Variants in IL7 observed in about 807,000 individuals in gnomAD.
IL7 encodes interleukin-7.
In IL7, 3 loss-of-function variants were observed where a neutral mutation model predicts 21.6. The observed-to-expected ratio is 0.14, with a 90% confidence interval of 0.06 to 0.36. IL7 has a LOEUF of 0.36. IL7 is among the 10% of genes least tolerant of loss of function. The pLI, the probability that IL7 is intolerant of heterozygous loss-of-function variation, is 1.00. For missense variants in IL7, 175 were observed against 200.2 expected, an observed-to-expected ratio of 0.87 and a Z score of 0.76; for synonymous variants, 62 against 68.1, an observed-to-expected ratio of 0.91 and a Z score of 0.44.
chr8:78,771,272 T>C (rs1812940479), intron 2 of IL7, among the ~76,000 whole-genome samples: 1 of 151,288 alleles, frequency 6.6e-6, no homozygotes, highest in Non-Finnish European at 1.5e-5. Flanking sequence ...CACTTCCAGC[T>C]CTGGCTTGAG....
chr8:78,678,777 T>C, intron 4 of IL7: 1 of 700,526 alleles, frequency 1.4e-6, no homozygotes, highest in Non-Finnish European at 2.3e-6. Flanking sequence ...TAAACACAAT[T>C]ATCTGCTACA....
chr8:78,774,978 T>C (rs1813084034), intron 2 of IL7, among the ~76,000 whole-genome samples: 1 of 152,100 alleles, frequency 6.6e-6, no homozygotes. Flanking sequence ...AACAAAAGAA[T>C]GTCTCATGAA....
intron 2 of IL7, among the ~76,000 whole-genome samples, chr8:78,763,329 A>C (rs771905987): frequency 9.9e-5 from 15 of 152,244 alleles, no homozygotes; most frequent in Non-Finnish European, 2.1e-4. Flanking sequence ...GTTTATTTAT[A>C]AGTGAAATGA....
chr8:78,710,595 G>A (rs1223302535), intron 3 of IL7, among the ~76,000 whole-genome samples: 1 of 151,888 alleles, frequency 6.6e-6, no homozygotes, highest in Non-Finnish European at 1.5e-5. Flanking sequence ...TTTTTTCTGA[G>A]AAAGAAAAAT....
chr8:78,698,258 T>C (rs1228536938), intron 3 of IL7, among the ~76,000 whole-genome samples: 1 of 152,260 alleles, frequency 6.6e-6, no homozygotes, highest in East Asian at 1.9e-4. Flanking sequence ...ATGCTATATG[T>C]CGTCCTCTGG....
downstream of IL7, chr8:78,715,154 A>C: frequency 1.5e-6 from 2 of 1,360,532 alleles, no homozygotes; most frequent in Non-Finnish European, 2.0e-6. Flanking sequence ...AGTCATGTGA[A>C]TAGGTAATTT....
chr8:78,700,192 T>C (rs1271864040), intron 3 of IL7, among the ~76,000 whole-genome samples: 12 of 152,270 alleles, frequency 7.9e-5, no homozygotes, highest in African/African-American at 2.9e-4. Flanking sequence ...CATTGTGGTT[T>C]TGATTTGCGT....
intron 2 of IL7, among the ~76,000 whole-genome samples, chr8:78,774,646 T>C (rs1463210671): frequency 6.6e-6 from 1 of 152,154 alleles, no homozygotes; most frequent in African/African-American, 2.4e-5. Flanking sequence ...TTCTAATACA[T>C]GTCTCTGTGG....
chr8:78,686,254 C>T (rs1473818942), intron 3 of IL7, among the ~76,000 whole-genome samples: 3 of 151,992 alleles, frequency 2.0e-5, no homozygotes, highest in South Asian at 2.1e-4. Context: ...TAGTGTCTTT[C>T]GCGATGACAC....
At chr8:78,754,683 G>C (rs558175878) in intron 2 of IL7, among the ~76,000 whole-genome samples, 175 of 152,084 alleles carry the variant, frequency 1.2e-3, no homozygotes, top group African/African-American at 4.0e-3. Flanking sequence ...TTTTGTTGTT[G>C]TTTTGTTTTG....
At chr8:78,742,326 AAAAAAAT>A (rs1184212487) in intron 2 of IL7, among the ~76,000 whole-genome samples, 1 of 152,100 alleles carries the variant, frequency 6.6e-6, no homozygotes, top group African/African-American at 2.4e-5. Context: ...TCTGTCTCAG[AAAAAAAT>A]AAAAAATAAA....
rs1811453102 is a variant in IL7, at chr8:78,732,855, A to G, written c.*858T>C. 2 of 152,124 alleles carry G rather than the reference A, an allele frequency of 1.3e-5. No individual in the cohort carries two copies. Among genetic ancestry groups the G allele is most frequent in the African/African-American group, 4.8e-5 (2 of 41,446 alleles). The allele number at this position is 152,124 out of a possible 1,614,324, so 9.4% of individuals were successfully genotyped here. A position where few individuals can be genotyped will look rare whatever the true frequency, so the allele number is the denominator to read the frequency against. Reference sequence around the variant, plus strand: ...GTAATGCTGTATGAAAATATTTTATATACAGATATAGTGTCAAAATTAAAT... The same window carrying G: ...GTAATGCTGTATGAAAATATTTTATGTACAGATATAGTGTCAAAATTAAAT... On this transcript the variant is annotated 3_prime_UTR_variant, in exon 6 of 6. Coordinates refer to ENST00000263851, the MANE Select transcript of IL7 (RefSeq NM_000880.4).
At chr8:78,745,298 G>A (rs1027868181) in intron 2 of IL7, among the ~76,000 whole-genome samples, 7 of 151,806 alleles carry the variant, frequency 4.6e-5, no homozygotes, top group East Asian at 1.9e-4. Flanking sequence ...TTTTCTTTTC[G>A]TGTATGTGTG....
At chr8:78,689,453 A>G in intron 3 of IL7, 1 of 1,318,068 alleles carries the variant, frequency 7.6e-7, no homozygotes, top group Non-Finnish European at 1.0e-6. Context: ...GCTTTTCATG[A>G]CATTAGACTA....
intron 2 of IL7, among the ~76,000 whole-genome samples, chr8:78,769,491 C>T (rs911463732): frequency 6.6e-6 from 1 of 152,084 alleles, no homozygotes; most frequent in Admixed American, 6.6e-5. Flanking sequence ...CGTGAAGGAC[C>T]TCTTCAAGGA....
chr8:78,678,093 C>T (rs1240157582), intron 4 of IL7, among the ~76,000 whole-genome samples: 1 of 152,094 alleles, frequency 6.6e-6, no homozygotes, highest in African/African-American at 2.4e-5. Flanking sequence ...TTTTGCCTGG[C>T]TTCTCTAGTG....
chr8:78,721,939 T>C (rs1324043498), intron 3 of IL7, among the ~76,000 whole-genome samples: 1 of 151,964 alleles, frequency 6.6e-6, no homozygotes, highest in Non-Finnish European at 1.5e-5. Context: ...TTTTAAATAA[T>C]TTTAATGGAA....
intron 2 of IL7, among the ~76,000 whole-genome samples, chr8:78,783,249 G>A (rs1813400153): frequency 6.6e-6 from 1 of 152,134 alleles, no homozygotes; most frequent in Admixed American, 6.6e-5. Flanking sequence ...GGCTTATGAT[G>A]GGAATCTCCT....
At chr8:78,726,597 C>T (rs1276968490) in intron 3 of IL7, among the ~76,000 whole-genome samples, 7 of 151,964 alleles carry the variant, frequency 4.6e-5, no homozygotes, top group Non-Finnish European at 2.9e-5. Flanking sequence ...GTCTCCCATT[C>T]CTCCCTAAAG....
Sources: gnomAD v4.1 joint callset for allele counts (sites outside exome capture counted in the v4.1 genomes callset) on GRCh38, gnomAD v4.1.1 for gene constraint, MANE v1.5 for transcripts, NCBI Gene and HGNC (gene_info 2026-07-23, HGNC 2026-07-21) for gene names.